Variants in AKT3 observed in about 807,000 individuals in gnomAD.
AKT3 encodes the protein AKT serine/threonine kinase 3, also known as RAC-gamma serine/threonine-protein kinase.
In AKT3, 15 loss-of-function variants were observed where a neutral mutation model predicts 65.3. The observed-to-expected ratio is 0.23, with a 90% CI of 0.15 to 0.35. AKT3 has a LOEUF of 0.35. Ranked by LOEUF, AKT3 falls within the 10% of genes least tolerant of loss-of-function variation. AKT3 has a pLI of 1.00. For missense variants in AKT3, 243 were observed against 576.5 expected (o/e 0.42, Z 5.92); for synonymous variants, 206 against 183.8 (o/e 1.12, Z -0.98).
chr1:243,828,394 A>C (rs938410020), intron 2 of AKT3, among the ~76,000 whole-genome samples: 1 of 152,152 alleles, frequency 6.6e-6, no homozygotes, highest in African/African-American at 2.4e-5. Flanking sequence ...TTTGGAATTC[A>C]GTCCCATCCT....
downstream of AKT3, among the ~76,000 whole-genome samples, chr1:243,496,914 T>C (rs1668061550): frequency 1.3e-5 from 2 of 152,214 alleles, no homozygotes; most frequent in South Asian, 4.1e-4. Context: ...TTCCACCACC[T>C]GTGGACAGCA....
intron 6 of AKT3, among the ~76,000 whole-genome samples, chr1:243,616,038 T>C (rs984042747): frequency 1.3e-5 from 2 of 151,754 alleles, no homozygotes; most frequent in Admixed American, 6.6e-5. Context: ...TTTCCTTTGG[T>C]TGGGGGCGTG....
chr1:243,831,255 C>T (rs533740508), intron 2 of AKT3, among the ~76,000 whole-genome samples: 7 of 152,196 alleles, frequency 4.6e-5, no homozygotes, highest in South Asian at 2.1e-4. Flanking sequence ...GTATTAGACA[C>T]AGTGCTGTCA....
intron 4 of AKT3, among the ~76,000 whole-genome samples, chr1:243,652,291 C>G (rs191510039): frequency 5.6e-4 from 85 of 152,114 alleles, no homozygotes; most frequent in African/African-American, 2.0e-3. Context: ...CTCAGGTGAT[C>G]CACCCGCCTT....
At chr1:243,668,357 AAAGAG>A (rs1445760246) in intron 3 of AKT3, among the ~76,000 whole-genome samples, 4 of 152,224 alleles carry the variant, frequency 2.6e-5, no homozygotes, top group African/African-American at 9.6e-5. Flanking sequence ...TAATAAAATA[AAAGAG>A]AAGATATAAG....
At chr1:243,617,322 C>G (rs751424529) in intron 6 of AKT3, among the ~76,000 whole-genome samples, 2 of 151,880 alleles carry the variant, frequency 1.3e-5, no homozygotes, top group Non-Finnish European at 2.9e-5. Context: ...GGGGATACTA[C>G]AGTTAATGAG....
chr1:243,735,069 T>C (rs1280395696), intron 2 of AKT3: 1 of 152,160 alleles, frequency 6.6e-6, no homozygotes, highest in African/African-American at 2.4e-5. Flanking sequence ...AACGCCTTCT[T>C]CTGTAACACC....
chr1:243,597,551 T>C (rs1676708599), intron 8 of AKT3, among the ~76,000 whole-genome samples: 1 of 152,228 alleles, frequency 6.6e-6, no homozygotes, highest in Non-Finnish European at 1.5e-5. Context: ...TTGCCAAGGC[T>C]GAAGTGCAGT....
At chr1:243,631,606 G>A (rs1263422838) in intron 6 of AKT3, among the ~76,000 whole-genome samples, 2 of 152,150 alleles carry the variant, frequency 1.3e-5, no homozygotes, top group African/African-American at 4.8e-5. Flanking sequence ...TTCTTAAAAT[G>A]AGAAAACAAT....
intron 4 of AKT3, among the ~76,000 whole-genome samples, chr1:243,663,213 T>C (rs895222561): frequency 6.6e-5 from 10 of 152,184 alleles, no homozygotes; most frequent in African/African-American, 2.4e-4. Flanking sequence ...ATATGATTGA[T>C]AGAAAAGGTA....
intron 5 of AKT3, among the ~76,000 whole-genome samples, chr1:243,639,276 G>T (rs1680201066): frequency 6.6e-6 from 1 of 152,116 alleles, no homozygotes; most frequent in Non-Finnish European, 1.5e-5. Flanking sequence ...GGCCCAGATG[G>T]TTTCACTGGT....
chr1:243,601,309 G>T (rs1397084462), intron 8 of AKT3, among the ~76,000 whole-genome samples: 1 of 152,010 alleles, frequency 6.6e-6, no homozygotes, highest in African/African-American at 2.4e-5. Flanking sequence ...CAAAAAAGAT[G>T]ATGTATAAAT....
intron 6 of AKT3, among the ~76,000 whole-genome samples, chr1:243,630,821 C>T (rs1295368005): frequency 6.6e-6 from 1 of 152,128 alleles, no homozygotes; most frequent in African/African-American, 2.4e-5. Context: ...AAACTGAACG[C>T]CAATTTGGTG....
chr1:243,698,122 T>A (rs999251354), intron 2 of AKT3, among the ~76,000 whole-genome samples: 1 of 152,094 alleles, frequency 6.6e-6, no homozygotes, highest in Admixed American at 6.6e-5. Context: ...AATTCCTTAA[T>A]TGCTCTTATT....
intron 2 of AKT3, among the ~76,000 whole-genome samples, chr1:243,728,928 A>G (rs1687379233): frequency 6.6e-6 from 1 of 152,202 alleles, no homozygotes; most frequent in Admixed American, 6.5e-5. Flanking sequence ...CAGGTAGTGT[A>G]TCAAGAACTG....
chr1:243,719,328 T>A (rs1686728123), intron 2 of AKT3, among the ~76,000 whole-genome samples: 1 of 152,230 alleles, frequency 6.6e-6, no homozygotes, highest in African/African-American at 2.4e-5. Context: ...AAGTTTTTTG[T>A]ATCAATTCCC....
At chr1:243,825,769 T>G (rs1480570943) in intron 2 of AKT3, among the ~76,000 whole-genome samples, 2 of 152,162 alleles carry the variant, frequency 1.3e-5, no homozygotes, top group Non-Finnish European at 2.9e-5. Context: ...TAAAACTAAT[T>G]GAAATAATTT....
At chr1:243,762,106 G>A (rs1235243329) in intron 2 of AKT3, among the ~76,000 whole-genome samples, 1 of 152,072 alleles carries the variant, frequency 6.6e-6, no homozygotes, top group African/African-American at 2.4e-5. Context: ...AATTCTGAGT[G>A]TCTAAGAATT....
chr1:243,585,303 T>C (rs557503302), intron 8 of AKT3, among the ~76,000 whole-genome samples: 1 of 151,884 alleles, frequency 6.6e-6, no homozygotes, highest in Non-Finnish European at 1.5e-5. Context: ...AAAATAGCCA[T>C]ATTTCCCTGC....
Sources: gnomAD v4.1 joint callset for allele counts (sites outside exome capture counted in the v4.1 genomes callset) on GRCh38, gnomAD v4.1.1 for gene constraint, MANE v1.5 for transcripts, NCBI Gene and HGNC (gene_info 2026-07-23, HGNC 2026-07-21) for gene names.